Variants in CAMK1D observed in about 807,000 individuals in gnomAD.
CAMK1D encodes the protein calcium/calmodulin dependent protein kinase ID.
A neutral mutation model predicts 47.7 loss-of-function variants in CAMK1D; 9 were observed. The ratio of observed to expected loss-of-function variants is 0.19; its 90% CI spans 0.11 to 0.33. The LOEUF is 0.33. Ranked by LOEUF, CAMK1D falls within the 10% of genes least tolerant of loss-of-function variation. The pLI is 1.00. For synonymous variants in CAMK1D, 184 were observed against 184.9 expected (o/e 0.99, Z 0.04); for missense variants, 291 against 488.7 (o/e 0.60, Z 3.81).
intron 8 of CAMK1D, among the ~76,000 whole-genome samples, chr10:12,816,905 C>T (rs972154563): frequency 8.6e-5 from 13 of 150,676 alleles, no homozygotes; most frequent in South Asian, 4.2e-4. Context: ...AAGACATACC[C>T]GAGACTGGGC....
intron 5 of CAMK1D, among the ~76,000 whole-genome samples, chr10:12,789,374 C>T (rs1039139054): frequency 3.3e-5 from 5 of 152,170 alleles, no homozygotes; most frequent in South Asian, 4.1e-4. Flanking sequence ...GCAAACAGTA[C>T]GTTTGAGTGA....
intron 1 of CAMK1D, among the ~76,000 whole-genome samples, chr10:12,405,619 A>C (rs1265592947): frequency 6.6e-6 from 1 of 152,244 alleles, no homozygotes; most frequent in Non-Finnish European, 1.5e-5. Context: ...AACCAGTGAA[A>C]CGTCATTAAT....
chr10:12,521,868 G>A (rs1324524097), intron 1 of CAMK1D, among the ~76,000 whole-genome samples: 1 of 151,686 alleles, frequency 6.6e-6, no homozygotes, highest in Non-Finnish European at 1.5e-5. Context: ...TTGTTCTGAA[G>A]TTTACTTTGT....
intron 1 of CAMK1D, among the ~76,000 whole-genome samples, chr10:12,481,174 C>T (rs907836833): frequency 2.0e-5 from 3 of 152,182 alleles, no homozygotes; most frequent in African/African-American, 7.2e-5. Context: ...TGCAACTTCC[C>T]CAATTACTCC....
Position 12,629,020 on chromosome 10 carries a change from C to T in CAMK1D, c.225-37716C>T, listed in dbSNP as rs542253789. On this transcript the variant is annotated intron_variant, in intron 2 of 10. Transcript: ENST00000619168. ...GTTTACCTGTTCACCTACTGGGGGA[C>T]TGTGTTGCTTCCGGGTCTGGGCAGT... Among the ~76,000 whole-genome samples, 3 of 152,294 alleles carry T rather than the reference C, an allele frequency of 2.0e-5. No individual in the cohort carries two copies. In the South Asian group the frequency reaches 6.2e-4, roughly 32 times the overall value.
chr10:12,676,072 C>T (rs919648666), intron 3 of CAMK1D, among the ~76,000 whole-genome samples: 4 of 152,184 alleles, frequency 2.6e-5, no homozygotes, highest in Non-Finnish European at 4.4e-5. Flanking sequence ...CCTGTCTCAG[C>T]CTCCTGAGTA....
chr10:12,812,488 C>T (rs1832645823), intron 6 of CAMK1D, among the ~76,000 whole-genome samples: 1 of 152,160 alleles, frequency 6.6e-6, no homozygotes, highest in Admixed American at 6.5e-5. Flanking sequence ...TGCTGGCAGG[C>T]ACCTGTAATC....
chr10:12,385,462 C>T (rs1271487682), intron 1 of CAMK1D, among the ~76,000 whole-genome samples: 1 of 152,132 alleles, frequency 6.6e-6, no homozygotes, highest in Non-Finnish European at 1.5e-5. Flanking sequence ...ATGGCTGAAC[C>T]TTGAAAACAT....
At chr10:12,790,659 A>G (rs1480316769) in intron 5 of CAMK1D, among the ~76,000 whole-genome samples, 1 of 151,532 alleles carries the variant, frequency 6.6e-6, no homozygotes, top group Non-Finnish European at 1.5e-5. Context: ...TTTAATTTAC[A>G]TTCTTTATAT....
chr10:12,642,674 T>C (rs532884765), intron 2 of CAMK1D, among the ~76,000 whole-genome samples: 30 of 152,360 alleles, frequency 2.0e-4, no homozygotes, highest in Middle Eastern at 3.4e-3. Context: ...TATCTAATAC[T>C]GATTTCTTTT....
At chr10:12,722,477 A>G (rs1369673823) in intron 3 of CAMK1D, among the ~76,000 whole-genome samples, 4 of 142,564 alleles carry the variant, frequency 2.8e-5, no homozygotes, top group East Asian at 2.1e-4. Context: ...AAAAAAAAAG[A>G]TAACTCCAAA....
intron 1 of CAMK1D, among the ~76,000 whole-genome samples, chr10:12,520,066 G>T (rs1433905254): frequency 6.0e-5 from 5 of 83,232 alleles, no homozygotes; most frequent in Admixed American, 1.1e-4. Flanking sequence ...CGGGTGGGGG[G>T]CTGACCCCCC....
intron 8 of CAMK1D, among the ~76,000 whole-genome samples, chr10:12,820,506 A>G (rs1832976555): frequency 1.3e-5 from 2 of 152,236 alleles, no homozygotes; most frequent in Admixed American, 1.3e-4. Context: ...ATATGGAGTC[A>G]TTCCTCCAGG....
At chr10:12,762,088 A>G (rs1407377033) in intron 4 of CAMK1D, among the ~76,000 whole-genome samples, 3 of 152,192 alleles carry the variant, frequency 2.0e-5, no homozygotes, top group African/African-American at 7.2e-5. Context: ...GATGTCACAC[A>G]TATGGTACCA....
chr10:12,751,051 A>AATAAGATAAGATAAG (rs141001552), intron 3 of CAMK1D, among the ~76,000 whole-genome samples: 36 of 136,452 alleles, frequency 2.6e-4, no homozygotes, highest in East Asian at 1.5e-3. Context: ...CGTCTCCCCC[A>AATAAGATAAGATAAG]ATAAGATAAG....
chr10:12,531,623 A>G (rs759991866), intron 1 of CAMK1D, among the ~76,000 whole-genome samples: 21 of 152,256 alleles, frequency 1.4e-4, no homozygotes, highest in Non-Finnish European at 7.3e-5. Context: ...CATTTTGCAC[A>G]GAAAGAGCGT....
At chr10:12,680,075 TATTC>T (rs1426757365) in intron 3 of CAMK1D, among the ~76,000 whole-genome samples, 1 of 152,246 alleles carries the variant, frequency 6.6e-6, no homozygotes, top group African/African-American at 2.4e-5. Flanking sequence ...CACATCATCA[TATTC>T]ATTCATTCAC....
chr10:12,574,412 A>G (rs1164850167), intron 2 of CAMK1D, among the ~76,000 whole-genome samples: 1 of 144,538 alleles, frequency 6.9e-6, no homozygotes, highest in Non-Finnish European at 1.5e-5. Flanking sequence ...AGCGATTCTC[A>G]TGCCTCAGCC....
At chr10:12,399,392 T>A (rs893245376) in intron 1 of CAMK1D, among the ~76,000 whole-genome samples, 3 of 151,964 alleles carry the variant, frequency 2.0e-5, no homozygotes, top group African/African-American at 7.3e-5. Context: ...TAATCCCAGC[T>A]ACTTGGGAGG....
Sources: gnomAD v4.1 joint callset for allele counts (sites outside exome capture counted in the v4.1 genomes callset) on GRCh38, gnomAD v4.1.1 for gene constraint, MANE v1.5 for transcripts, NCBI Gene and HGNC (gene_info 2026-07-23, HGNC 2026-07-21) for gene names.